KCNQ5: variants seen among roughly 807,000 people sequenced by gnomAD.
The protein encoded by KCNQ5 is potassium voltage-gated channel subfamily Q member 5.
Under a neutral mutation model 98.2 loss-of-function variants are expected in KCNQ5, and 30 were observed. That is an observed-to-expected ratio of 0.31 (90% CI 0.23 to 0.41). KCNQ5 has a LOEUF of 0.41. Among genes scored for constraint, KCNQ5 ranks in the 10% least tolerant of loss-of-function variants. The pLI, the probability that KCNQ5 is intolerant of heterozygous loss-of-function variation, is 1.00. For missense variants in KCNQ5, 835 were observed against 1,182.5 expected, an observed-to-expected ratio of 0.71 and a Z score of 4.31; for synonymous variants, 458 against 449.4, an observed-to-expected ratio of 1.02 and a Z score of -0.24.
chr6:73,178,906 C>T (rs1237169483), intron 11 of KCNQ5, among the ~76,000 whole-genome samples: 1 of 152,150 alleles, frequency 6.6e-6, no homozygotes, highest in Non-Finnish European at 1.5e-5. Context: ...ATAACTAACA[C>T]ATATGCCTTC....
At chr6:72,925,497 T>TCA (rs1765373064) in intron 1 of KCNQ5, among the ~76,000 whole-genome samples, 1 of 152,212 alleles carries the variant, frequency 6.6e-6, no homozygotes, top group Non-Finnish European at 1.5e-5. Flanking sequence ...TAATTGAGTA[T>TCA]CCAGTATGTG....
In KCNQ5 at chr6:72,631,022, T is replaced by C. The variant is rs557323395; in HGVS notation, c.398+8435T>C. Among the ~76,000 whole-genome samples the C allele has an allele frequency of 7.2e-5, 11 of 152,162 alleles. 1 individual carries two copies. The East Asian group carries it at 2.1e-3, about 29-fold the overall frequency. ...TAGACTGGGGCAGTGGTAGGAAGGA[T>C]GGGGGAAAGGTGTGACAATAGAGTT... On this transcript the variant is annotated intron_variant, in intron 1 of 13. Transcript: ENST00000370398.
intron 1 of KCNQ5, among the ~76,000 whole-genome samples, chr6:72,753,445 A>G (rs1771786566): frequency 6.6e-6 from 1 of 152,024 alleles, no homozygotes. Flanking sequence ...CTTTACTTGG[A>G]TAAATATATA....
intron 1 of KCNQ5, among the ~76,000 whole-genome samples, chr6:72,913,926 G>A (rs898158229): frequency 1.1e-4 from 16 of 152,164 alleles, no homozygotes; most frequent in Non-Finnish European, 1.9e-4. Context: ...GTAACAAACT[G>A]GGGGAACTTA....
chr6:73,119,668 A>G (rs1376199774), intron 7 of KCNQ5, among the ~76,000 whole-genome samples: 1 of 152,120 alleles, frequency 6.6e-6, no homozygotes, highest in Non-Finnish European at 1.5e-5. Context: ...TCACTAGCAT[A>G]CCCTGGTGTT....
chr6:73,136,551 G>A (rs1038023095), intron 10 of KCNQ5: 1 of 152,184 alleles, frequency 6.6e-6, no homozygotes, highest in African/African-American at 2.4e-5. Context: ...CCTTGTTGAT[G>A]CCCATTCAAT....
intron 1 of KCNQ5, among the ~76,000 whole-genome samples, chr6:72,727,438 A>T (rs541469928): frequency 1.1e-4 from 17 of 152,192 alleles, no homozygotes; most frequent in Non-Finnish European, 2.2e-4. Context: ...CAATGATGGC[A>T]TTTATGTACT....
chr6:72,694,984 A>G (rs1471932189), intron 1 of KCNQ5, among the ~76,000 whole-genome samples: 1 of 152,106 alleles, frequency 6.6e-6, no homozygotes, highest in African/African-American at 2.4e-5. Flanking sequence ...TTCTGAGTTA[A>G]TTCACTTAGG....
intron 1 of KCNQ5, among the ~76,000 whole-genome samples, chr6:72,921,246 A>G (rs1025839345): frequency 6.6e-6 from 1 of 152,228 alleles, no homozygotes; most frequent in Non-Finnish European, 1.5e-5. Flanking sequence ...TTAGAAATAA[A>G]TAGGAAATGC....
chr6:72,729,060 A>G (rs1217908706), intron 1 of KCNQ5, among the ~76,000 whole-genome samples: 4 of 152,100 alleles, frequency 2.6e-5, no homozygotes, highest in Admixed American at 6.5e-5. Context: ...CTTAATATAT[A>G]TCATAGATTT....
At chr6:72,949,758 CATT>C (rs1378287960) in intron 1 of KCNQ5, among the ~76,000 whole-genome samples, 1 of 152,104 alleles carries the variant, frequency 6.6e-6, no homozygotes. Context: ...TTTCATAAAT[CATT>C]ATGGGAATAA....
intron 2 of KCNQ5, among the ~76,000 whole-genome samples, chr6:73,037,619 T>C (rs2150354261): frequency 6.6e-6 from 1 of 152,288 alleles, no homozygotes; most frequent in South Asian, 2.1e-4. Flanking sequence ...AGGGCCCTTC[T>C]TCCTCCATTG....
intron 1 of KCNQ5, among the ~76,000 whole-genome samples, chr6:72,823,052 T>A (rs1254508781): frequency 6.6e-6 from 1 of 152,136 alleles, no homozygotes; most frequent in Non-Finnish European, 1.5e-5. Context: ...AGGGTCTTAA[T>A]CACTTCTCCA....
At chr6:72,873,118 TTCAA>T (rs1346761540) in intron 1 of KCNQ5, among the ~76,000 whole-genome samples, 1 of 152,164 alleles carries the variant, frequency 6.6e-6, no homozygotes, top group Non-Finnish European at 1.5e-5. Context: ...GCATTTTCTT[TTCAA>T]TCAATGAGAT....
At chr6:72,663,782 T>C (rs1766645418) in intron 1 of KCNQ5, among the ~76,000 whole-genome samples, 2 of 152,182 alleles carry the variant, frequency 1.3e-5, no homozygotes, top group Non-Finnish European at 2.9e-5. Context: ...AATTTTATGG[T>C]GTGAAACACA....
At chr6:72,817,262 A>C (rs1775543743) in intron 1 of KCNQ5, among the ~76,000 whole-genome samples, 1 of 152,224 alleles carries the variant, frequency 6.6e-6, no homozygotes, top group African/African-American at 2.4e-5. Flanking sequence ...TATATATTGA[A>C]TTAAAAAATG....
chr6:72,959,349 A>C (rs957519849), intron 1 of KCNQ5, among the ~76,000 whole-genome samples: 3 of 152,218 alleles, frequency 2.0e-5, no homozygotes, highest in Non-Finnish European at 4.4e-5. Context: ...ATATTTGGGC[A>C]AGGAAAGGAA....
At chr6:73,116,913 G>A (rs1017908717) in intron 7 of KCNQ5, among the ~76,000 whole-genome samples, 2 of 152,132 alleles carry the variant, frequency 1.3e-5, no homozygotes, top group Non-Finnish European at 2.9e-5. Flanking sequence ...ACCATTTCCA[G>A]TAAGGATCAA....
chr6:72,984,850 T>C (rs551629318), intron 1 of KCNQ5, among the ~76,000 whole-genome samples: 1 of 152,188 alleles, frequency 6.6e-6, no homozygotes, highest in East Asian at 1.9e-4. Context: ...TTGGAACCAA[T>C]CCCAACAATT....
Sources: allele counts gnomAD v4.1 joint callset (sites outside exome capture counted in the v4.1 genomes callset), GRCh38; gene constraint gnomAD v4.1.1; transcripts MANE v1.5; gene names NCBI Gene and HGNC (gene_info 2026-07-23, HGNC 2026-07-21).